The following GLI3 variants were observed in gnomAD, a reference collection of about 807,000 sequenced individuals.
GLI3 encodes GLI family zinc finger 3.
A neutral mutation model predicts 100.8 loss-of-function variants in GLI3; 20 were observed. That is an observed-to-expected ratio of 0.20 (90% CI 0.14 to 0.29). The LOEUF (loss-of-function observed/expected upper bound fraction) is 0.29, where lower values mean the gene tolerates loss of function less well. GLI3 is among the 10% of genes least tolerant of loss of function. The pLI, the probability that GLI3 is intolerant of heterozygous loss-of-function variation, is 1.00. For missense variants in GLI3, 2,040 were observed against 2,128.5 expected, an observed-to-expected ratio of 0.96 and a Z score of 0.82; for synonymous variants, 938 against 860.5, an observed-to-expected ratio of 1.09 and a Z score of -1.58.
At chr7:42,022,666 A>C (rs1453369441) in intron 10 of GLI3, among the ~76,000 whole-genome samples, 1 of 152,196 alleles carries the variant, frequency 6.6e-6, no homozygotes, top group African/African-American at 2.4e-5. Flanking sequence ...AATGCCCTCC[A>C]CGTCAGCCAA....
intron 10 of GLI3, among the ~76,000 whole-genome samples, chr7:42,014,967 C>A (rs753672542): frequency 4.4e-4 from 67 of 152,210 alleles, no homozygotes; most frequent in Non-Finnish European, 6.8e-4. Context: ...TCTCTCCATT[C>A]TTCAGTTGAG....
chr7:42,206,332 A>T (rs897113826), intron 2 of GLI3, among the ~76,000 whole-genome samples: 5 of 151,908 alleles, frequency 3.3e-5, no homozygotes, highest in Admixed American at 1.3e-4. Context: ...ACTTTTAATC[A>T]TGACGTATTT....
chr7:41,962,076 C>T lies in GLI3; in HGVS notation c.*2254G>A, dbSNP rs1430636515. 6.6e-6 allele frequency: 1 copy of T among 152,222 alleles called. No individual in the cohort carries two copies. The highest frequency in any genetic ancestry group is 1.5e-5 in the Non-Finnish European group (1 of 68,048). The allele number at this position is 152,222 out of a possible 1,614,324, so 9.4% of individuals were successfully genotyped here. On this transcript the variant is annotated 3_prime_UTR_variant, in exon 15 of 15. Coordinates refer to ENST00000395925, the MANE Select transcript of GLI3 (RefSeq NM_000168.6). The stretch of plus-strand genomic sequence containing the variant: ...ACAACAACAGTGGTGGGCCGGATCA[C>T]TGTGCATCCCTCCAGGAAGGACAAA...
chr7:41,968,998 C>G (rs755234745), intron 13 of GLI3, among the ~76,000 whole-genome samples: 2 of 152,190 alleles, frequency 1.3e-5, no homozygotes, highest in Non-Finnish European at 2.9e-5. Flanking sequence ...GTACTGCCTC[C>G]TCTCGCTCCC....
In GLI3 at chr7:41,961,580, A is replaced by G. The variant is rs185735706; in HGVS notation, c.*2750T>C. 1 of 152,414 alleles carries G rather than the reference A, an allele frequency of 6.6e-6. No homozygotes were observed. The highest frequency in any genetic ancestry group is 6.5e-5 in the Admixed American group (1 of 15,310). The allele number at this position is 152,414 out of a possible 1,614,324, so 9.4% of individuals were successfully genotyped here. ...CAAAAATGGTTAGAAAACGTTTAAC[A>G]CAGACATTAAGCAGGAGTAGAATGT... On this transcript the variant is annotated 3_prime_UTR_variant, in exon 15 of 15. Coordinates refer to ENST00000395925, the MANE Select transcript of GLI3 (RefSeq NM_000168.6).
intron 4 of GLI3, among the ~76,000 whole-genome samples, chr7:42,075,341 C>G (rs1784858219): frequency 1.3e-5 from 2 of 152,272 alleles, no homozygotes; most frequent in Middle Eastern, 3.4e-3. Flanking sequence ...GAGGAATTAG[C>G]CATCCATGTC....
At chr7:42,192,883 A>C (rs1787854805) in intron 2 of GLI3, among the ~76,000 whole-genome samples, 1 of 152,282 alleles carries the variant, frequency 6.6e-6, no homozygotes, top group Admixed American at 6.5e-5. Flanking sequence ...TTGTCCTCTA[A>C]TTACGTGCAA....
chr7:42,150,953 C>A (rs2128788404), intron 2 of GLI3, among the ~76,000 whole-genome samples: 1 of 152,012 alleles, frequency 6.6e-6, no homozygotes, highest in Non-Finnish European at 1.5e-5. Context: ...AATGAGGGTA[C>A]CTTTTAGCTC....
intron 13 of GLI3, among the ~76,000 whole-genome samples, chr7:41,968,988 G>C (rs529176681): frequency 6.6e-6 from 1 of 152,194 alleles, no homozygotes; most frequent in Non-Finnish European, 1.5e-5. Context: ...ATCAGGGAAA[G>C]TACTGCCTCC....
chr7:42,014,338 T>C (rs1370100526), intron 10 of GLI3, among the ~76,000 whole-genome samples: 1 of 152,242 alleles, frequency 6.6e-6, no homozygotes, highest in Non-Finnish European at 1.5e-5. Flanking sequence ...CCGGACATAC[T>C]TTGGTTCTGC....
chr7:42,134,088 A>AG (rs1169496332), intron 3 of GLI3, among the ~76,000 whole-genome samples: 2 of 151,648 alleles, frequency 1.3e-5, no homozygotes, highest in Non-Finnish European at 2.9e-5. Context: ...CTCAAAAAAA[A>AG]AAAAAAAGAA....
intron 2 of GLI3, among the ~76,000 whole-genome samples, chr7:42,208,074 A>C (rs748714621): frequency 1.3e-5 from 2 of 152,172 alleles, no homozygotes; most frequent in Admixed American, 1.3e-4. Flanking sequence ...CAGGAGAATC[A>C]CTTGAACCTG....
At chr7:42,014,833 C>T (rs1253187599) in intron 10 of GLI3, among the ~76,000 whole-genome samples, 1 of 152,100 alleles carries the variant, frequency 6.6e-6, no homozygotes, top group Non-Finnish European at 1.5e-5. Context: ...CAGGTGGTGA[C>T]GATGGATCAA....
chr7:42,141,594 C>T (rs1463406257), intron 3 of GLI3, among the ~76,000 whole-genome samples: 1 of 152,116 alleles, frequency 6.6e-6, no homozygotes, highest in Non-Finnish European at 1.5e-5. Context: ...ATGGGTTGAA[C>T]CTGGGAGGCG....
intron 1 of GLI3, among the ~76,000 whole-genome samples, chr7:42,258,205 C>T (rs553557263): frequency 6.6e-6 from 1 of 152,272 alleles, no homozygotes; most frequent in South Asian, 2.1e-4. Context: ...ATACTGAATT[C>T]ATAAAAACAG....
chr7:42,103,803 G>C (rs1416003597), intron 3 of GLI3, among the ~76,000 whole-genome samples: 4 of 152,160 alleles, frequency 2.6e-5, no homozygotes, highest in African/African-American at 9.7e-5. Context: ...TGTCTCTCAA[G>C]CTTCAGATGT....
At chr7:42,152,852 G>A (rs1786906138) in intron 2 of GLI3, among the ~76,000 whole-genome samples, 1 of 152,160 alleles carries the variant, frequency 6.6e-6, no homozygotes, top group African/African-American at 2.4e-5. Context: ...GTACAGGAAT[G>A]CATATTGTAA....
At chr7:42,226,985 C>G (rs1014430807) in intron 1 of GLI3, among the ~76,000 whole-genome samples, 36 of 152,108 alleles carry the variant, frequency 2.4e-4, no homozygotes, top group African/African-American at 8.5e-4. Flanking sequence ...TCTCAAAACA[C>G]CACTAGGACA....
chr7:42,085,208 G>C (rs1029647532), intron 3 of GLI3, among the ~76,000 whole-genome samples: 1 of 152,110 alleles, frequency 6.6e-6, no homozygotes, highest in African/African-American at 2.4e-5. Context: ...TAACTACGGA[G>C]ACCCTGGAGT....
Sources: gnomAD v4.1 joint callset for allele counts (sites outside exome capture counted in the v4.1 genomes callset) on GRCh38, gnomAD v4.1.1 for gene constraint, MANE v1.5 for transcripts, NCBI Gene and HGNC (gene_info 2026-07-23, HGNC 2026-07-21) for gene names.